Variants in RAPGEF4 observed in about 807,000 individuals in gnomAD.
RAPGEF4 encodes the protein Rap guanine nucleotide exchange factor 4.
RAPGEF4 carries 66 observed loss-of-function variants against 147.9 expected under a neutral mutation model. That is an observed-to-expected ratio of 0.45 (90% CI 0.37 to 0.55). The LOEUF is 0.55. RAPGEF4 is among the 20% of genes least tolerant of loss of function. The probability of loss-of-function intolerance (pLI) is 0.00; values close to 1 mark genes in which losing one functional copy is unlikely to be tolerated. For missense variants in RAPGEF4, 1,071 were observed against 1,257.3 expected, an observed-to-expected ratio of 0.85 and a Z score of 2.24; for synonymous variants, 419 against 442.7, an observed-to-expected ratio of 0.95 and a Z score of 0.67.
At chr2:172,817,860 G>A (rs1210143572) in intron 4 of RAPGEF4, among the ~76,000 whole-genome samples, 1 of 126,952 alleles carries the variant, frequency 7.9e-6, no homozygotes, top group Non-Finnish European at 1.6e-5. Flanking sequence ...TTCAATGAGT[G>A]GATAAAGAAA....
intron 4 of RAPGEF4, among the ~76,000 whole-genome samples, chr2:172,820,065 C>T (rs1322028707): frequency 6.6e-6 from 1 of 152,138 alleles, no homozygotes; most frequent in Non-Finnish European, 1.5e-5. Flanking sequence ...GGGTTTTCTT[C>T]TTGACTTTCT....
At chr2:172,939,724 A>G (rs1408063087) in intron 6 of RAPGEF4, among the ~76,000 whole-genome samples, 2 of 151,862 alleles carry the variant, frequency 1.3e-5, no homozygotes, top group Non-Finnish European at 2.9e-5. Context: ...TTTCCCCTGT[A>G]TTTTCTTCTA....
At chr2:173,014,344 G>C in intron 17 of RAPGEF4, 120 bp from the exon 18 acceptor site, 1 of 1,261,278 alleles carries the variant, frequency 7.9e-7, no homozygotes, top group East Asian at 2.4e-5. Flanking sequence ...GCCTAGGGGA[G>C]GAATTCTATC....
At chr2:172,889,554 C>T (rs541468367) in intron 4 of RAPGEF4, among the ~76,000 whole-genome samples, 17 of 152,082 alleles carry the variant, frequency 1.1e-4, no homozygotes, top group Non-Finnish European at 2.1e-4. Flanking sequence ...GTAATTCCCA[C>T]TCACAGAACG....
intron 1 of RAPGEF4, chr2:172,744,305 A>G (rs943033744): frequency 9.6e-6 from 4 of 417,344 alleles, no homozygotes; most frequent in Non-Finnish European, 1.9e-5. Context: ...CCTGGATTCA[A>G]ATTCTGTCAC....
At chr2:172,739,492 C>A (rs1045139922) in intron 1 of RAPGEF4, among the ~76,000 whole-genome samples, 1 of 152,088 alleles carries the variant, frequency 6.6e-6, no homozygotes, top group African/African-American at 2.4e-5. Flanking sequence ...GTGTCTCAGC[C>A]TCCCGAGTAG....
At chr2:173,030,130 C>T (rs1559198217) in intron 25 of RAPGEF4, 34 bp from the exon 26 acceptor site, 1 of 1,433,322 alleles carries the variant, frequency 7.0e-7, no homozygotes, top group Non-Finnish European at 9.8e-7. Context: ...ACAGAAGTAA[C>T]ATTTTACTCA....
chr2:173,024,720 T>G (rs1340186530), intron 23 of RAPGEF4, among the ~76,000 whole-genome samples: 2 of 152,252 alleles, frequency 1.3e-5, no homozygotes, highest in East Asian at 3.9e-4. Context: ...ACAGTTAGAG[T>G]AGGGTTTATA....
intron 4 of RAPGEF4, among the ~76,000 whole-genome samples, chr2:172,850,603 G>A (rs367579162): frequency 2.0e-5 from 3 of 151,818 alleles, no homozygotes; most frequent in Non-Finnish European, 2.9e-5. Context: ...GGGCCACAGA[G>A]CGAGACTCTG....
At chr2:172,832,254 T>C (rs890274999) in intron 4 of RAPGEF4, among the ~76,000 whole-genome samples, 24 of 152,190 alleles carry the variant, frequency 1.6e-4, no homozygotes, top group African/African-American at 5.5e-4. Context: ...AGGTAAGAGG[T>C]AGCATAAAGC....
chr2:172,924,458 A>G (rs1408093735), intron 6 of RAPGEF4, among the ~76,000 whole-genome samples: 2 of 152,240 alleles, frequency 1.3e-5, no homozygotes, highest in African/African-American at 4.8e-5. Context: ...CCCTAATACT[A>G]GTAGTAGTAT....
At chr2:172,788,353 A>G (rs1224342812) in intron 1 of RAPGEF4, among the ~76,000 whole-genome samples, 1 of 152,236 alleles carries the variant, frequency 6.6e-6, no homozygotes, top group Non-Finnish European at 1.5e-5. Context: ...ATTGGATTTC[A>G]GAGAAGAGAA....
intron 4 of RAPGEF4, among the ~76,000 whole-genome samples, chr2:172,888,753 G>A (rs1448625744): frequency 6.6e-6 from 1 of 152,096 alleles, no homozygotes. Context: ...ATTAATAATT[G>A]TCTCCTTTTT....
intron 17 of RAPGEF4, among the ~76,000 whole-genome samples, chr2:173,004,192 TAGTAGAACTC>T (rs1292920959): frequency 3.3e-5 from 5 of 152,304 alleles, no homozygotes; most frequent in African/African-American, 1.2e-4. Flanking sequence ...TGGAGAAAGA[TAGTAGAACTC>T]TGCTGAACAT....
intron 4 of RAPGEF4, among the ~76,000 whole-genome samples, chr2:172,914,051 A>G (rs1457796676): frequency 1.3e-5 from 2 of 152,320 alleles, no homozygotes; most frequent in African/African-American, 4.8e-5. Context: ...AGATCATTCC[A>G]TATCTGTATA....
intron 4 of RAPGEF4, among the ~76,000 whole-genome samples, chr2:172,886,909 C>T (rs920410349): frequency 9.9e-5 from 15 of 152,078 alleles, no homozygotes; most frequent in East Asian, 3.9e-4. Flanking sequence ...AAAAATTGGC[C>T]GGGCGCGGTG....
At chr2:172,949,624 G>A (rs1688016374) in intron 6 of RAPGEF4, among the ~76,000 whole-genome samples, 2 of 152,158 alleles carry the variant, frequency 1.3e-5, no homozygotes, top group South Asian at 4.1e-4. Flanking sequence ...GTTTCAGTAG[G>A]TGTGTCTCTA....
chr2:172,916,372 A>T (rs1684070937), intron 4 of RAPGEF4, among the ~76,000 whole-genome samples: 1 of 152,204 alleles, frequency 6.6e-6, no homozygotes, highest in African/African-American at 2.4e-5. Flanking sequence ...ACAAAACCTT[A>T]CAACATAACC....
At chr2:172,788,120 C>T (rs1685414154) in intron 1 of RAPGEF4, among the ~76,000 whole-genome samples, 1 of 152,154 alleles carries the variant, frequency 6.6e-6, no homozygotes, top group Non-Finnish European at 1.5e-5. Flanking sequence ...TATAATAGCA[C>T]TAATCCCATT....
Sources: allele counts gnomAD v4.1 joint callset (sites outside exome capture counted in the v4.1 genomes callset), GRCh38; gene constraint gnomAD v4.1.1; transcripts MANE v1.5; gene names NCBI Gene and HGNC (gene_info 2026-07-23, HGNC 2026-07-21).